MACROD1: variants seen among roughly 807,000 people sequenced by gnomAD.
The protein encoded by MACROD1 is mono-ADP ribosylhydrolase 1, also known as ADP-ribose glycohydrolase MACROD1.
In MACROD1, 31 loss-of-function variants were observed where a neutral mutation model predicts 41.4. The observed-to-expected ratio is 0.75, with a 90% CI of 0.56 to 1.01. The LOEUF (loss-of-function observed/expected upper bound fraction) is 1.01. Ranked by LOEUF, MACROD1 falls within the 50% of genes least tolerant of loss-of-function variation. MACROD1 has a pLI of 0.00. For missense variants in MACROD1, 473 were observed against 460.0 expected, an observed-to-expected ratio of 1.03 and a Z score of -0.26; for synonymous variants, 252 against 203.4, an observed-to-expected ratio of 1.24 and a Z score of -2.03.
rs187756425 is a variant in MACROD1 at position 64,135,719 on chromosome 11, C to T, written c.517+15520G>A. 1.9e-3 allele frequency among the ~76,000 whole-genome samples: 283 copies of T among 152,350 alleles called. 4 individuals are homozygous for T. The highest frequency in any genetic ancestry group is 0.017 in the Admixed American group (261 of 15,310). ...GGAGCAGCGCAGGGCCAGCTTGCAG[C>T]CTTCCCCGCGCCAGGTGGTAAATGG... On this transcript the variant is annotated intron_variant, in intron 3 of 10. Coordinates refer to ENST00000255681, the MANE Select transcript of MACROD1 (RefSeq NM_014067.4).
chr11:64,065,776 C>T (rs1468033974), intron 3 of MACROD1, among the ~76,000 whole-genome samples: 1 of 135,824 alleles, frequency 7.4e-6, no homozygotes, highest in Non-Finnish European at 1.5e-5. Flanking sequence ...GGCGACAGAG[C>T]ACGACTCCGC....
chr11:64,040,085 G>A (rs1327655875), intron 3 of MACROD1, among the ~76,000 whole-genome samples: 1 of 152,262 alleles, frequency 6.6e-6, no homozygotes, highest in Non-Finnish European at 1.5e-5. Flanking sequence ...TTATTGCCAG[G>A]CACAGTGCTG....
At chr11:64,029,545 G>C (rs1329132952) in intron 3 of MACROD1, among the ~76,000 whole-genome samples, 5 of 152,076 alleles carry the variant, frequency 3.3e-5, no homozygotes, top group Admixed American at 6.5e-5. Context: ...ACTGTCCCGG[G>C]GGTCCAGCCC....
At chr11:64,031,039 G>T (rs907583066) in intron 3 of MACROD1, among the ~76,000 whole-genome samples, 3 of 152,118 alleles carry the variant, frequency 2.0e-5, no homozygotes, top group African/African-American at 7.2e-5. Context: ...TTGTTTCAAG[G>T]CCTGGGGGCA....
rs972878154 is a variant in MACROD1, at chr11:64,143,826, G to A, written c.517+7413C>T. 4.2e-5 allele frequency among the ~76,000 whole-genome samples: 6 copies of A among 144,556 alleles called. No individual in the cohort carries two copies. In the South Asian group the frequency reaches 6.6e-4, roughly 16 times the overall value. The allele number at this position is 144,556 out of a possible 152,430, so 94.8% of individuals were successfully genotyped here. ...CAATTTCCTGGGGGCTCTGGAGCTC[G>A]GCAAACCTCCCATCCCAGCTCTACT... On this transcript the variant is annotated intron_variant, in intron 3 of 10. Coordinates refer to ENST00000255681, the MANE Select transcript of MACROD1 (RefSeq NM_014067.4).
At chr11:64,098,579 C>G (rs1944618697) in intron 3 of MACROD1, among the ~76,000 whole-genome samples, 1 of 152,200 alleles carries the variant, frequency 6.6e-6, no homozygotes, top group African/African-American at 2.4e-5. Flanking sequence ...GATGGCCATC[C>G]TGGTAGGGGG....
At chr11:64,153,763 C>T (rs1312683757) in intron 1 of MACROD1, among the ~76,000 whole-genome samples, 1 of 152,184 alleles carries the variant, frequency 6.6e-6, no homozygotes, top group East Asian at 1.9e-4. Context: ...TCCTGGCAGC[C>T]ACTTCTGCCC....
At chr11:63,999,232 C>G (rs1942772644) in intron 8 of MACROD1, 99 bp downstream of exon 8, 2 of 1,457,816 alleles carry the variant, frequency 1.4e-6, no homozygotes, top group African/African-American at 1.4e-5. Context: ...AGGGGCGGGC[C>G]TGGCCCTGCG....
chr11:64,116,667 C>T (rs752709674), intron 3 of MACROD1: 2 of 1,613,896 alleles, frequency 1.2e-6, no homozygotes, highest in Non-Finnish European at 1.7e-6. Context: ...GGAGCTGCAC[C>T]TGCAGGACAA....
intron 3 of MACROD1, among the ~76,000 whole-genome samples, chr11:64,115,720 T>C (rs955201431): frequency 6.6e-6 from 1 of 152,184 alleles, no homozygotes; most frequent in African/African-American, 2.4e-5. Context: ...TTTCGAATCC[T>C]GGGTCCGAGC....
intron 4 of MACROD1, among the ~76,000 whole-genome samples, chr11:64,010,303 G>A (rs1393664879): frequency 9.0e-6 from 1 of 110,862 alleles, no homozygotes; most frequent in African/African-American, 2.8e-5. Flanking sequence ...GGGTGTTGGA[G>A]TGTTGGCTGG....
chr11:64,048,235 C>T (rs987343163), intron 3 of MACROD1, among the ~76,000 whole-genome samples: 5 of 152,242 alleles, frequency 3.3e-5, no homozygotes, highest in Admixed American at 6.5e-5. Context: ...CAGCTCCCGC[C>T]GGCAGCTACT....
At chr11:64,071,743 A>G (rs1470045130) in intron 3 of MACROD1, among the ~76,000 whole-genome samples, 1 of 152,200 alleles carries the variant, frequency 6.6e-6, no homozygotes, top group Non-Finnish European at 1.5e-5. Context: ...CTAGAGTCAC[A>G]GATGGCAGGA....
At chr11:64,037,417 C>T (rs967827618) in intron 3 of MACROD1, among the ~76,000 whole-genome samples, 3 of 152,296 alleles carry the variant, frequency 2.0e-5, no homozygotes, top group Non-Finnish European at 2.9e-5. Context: ...CCGCCAGCCC[C>T]GGGAGGAGAG....
intron 4 of MACROD1, among the ~76,000 whole-genome samples, chr11:64,003,961 C>T (rs114460350): frequency 0.016 from 2,473 of 152,336 alleles, 69 homozygotes; most frequent in African/African-American, 0.057. Flanking sequence ...CTCCATCCAG[C>T]GGGACTTCCC....
chr11:64,160,061 C>A (rs2622423), intron 1 of MACROD1, among the ~76,000 whole-genome samples: 146,415 of 152,226 alleles, frequency 0.96, 70,672 homozygotes, highest in Middle Eastern at 1. Context: ...GGGCATCCTT[C>A]CATGGGTCCA....
chr11:63,998,715 CTA>C, intron 10 of MACROD1, 28 bp from the exon 11 acceptor site: 1 of 1,412,576 alleles, frequency 7.1e-7, no homozygotes, highest in African/African-American at 1.5e-5. Flanking sequence ...TCAGAGGTGT[CTA>C]TGGGCGTCCC....
intron 3 of MACROD1, among the ~76,000 whole-genome samples, chr11:64,089,832 G>C (rs987244835): frequency 1.3e-5 from 2 of 152,124 alleles, no homozygotes; most frequent in African/African-American, 2.4e-5. Flanking sequence ...TAGGTGTCCT[G>C]CCCCCAGGGA....
chr11:64,065,394 C>T (rs545300509), intron 3 of MACROD1, among the ~76,000 whole-genome samples: 3 of 152,262 alleles, frequency 2.0e-5, no homozygotes, highest in South Asian at 2.1e-4. Flanking sequence ...TTGCCATGTA[C>T]GAAGAGTTCA....
Sources: gnomAD v4.1 joint callset for allele counts (sites outside exome capture counted in the v4.1 genomes callset) on GRCh38, gnomAD v4.1.1 for gene constraint, MANE v1.5 for transcripts, NCBI Gene and HGNC (gene_info 2026-07-23, HGNC 2026-07-21) for gene names.